Variants in DMD observed in about 807,000 individuals in gnomAD.
DMD encodes mutant dystrophin.
Under a neutral mutation model 330.1 loss-of-function variants are expected in DMD, and 63 were observed. The observed-to-expected ratio is 0.19, with a 90% confidence interval of 0.16 to 0.24. DMD has a LOEUF of 0.24. Ranked by LOEUF, DMD falls within the 10% of genes least tolerant of loss-of-function variation. The probability of loss-of-function intolerance (pLI) is 1.00; values close to 1 mark genes in which losing one functional copy is unlikely to be tolerated. For missense variants in DMD, 3,344 were observed against 2,684.1 expected (o/e 1.25, Z -5.43); for synonymous variants, 1,223 against 959.8 (o/e 1.27, Z -5.07).
intron 2 of DMD, among the ~76,000 whole-genome samples, chrX:33,001,720 A>T: frequency 1.2e-5 from 1 of 86,122 alleles, no homozygotes; most frequent in Admixed American, 1.2e-4. Context: ...CAAAGCATTC[A>T]AATAATTAAT....
chrX:32,443,464 T>C (rs1158612731), intron 27 of DMD, among the ~76,000 whole-genome samples: 1 of 111,389 alleles, frequency 9.0e-6, no homozygotes, highest in Non-Finnish European at 1.9e-5. Context: ...CTGTCTTCAT[T>C]CTGGGCAAAG....
At chrX:32,843,746 C>G (rs2080380234) in intron 4 of DMD, among the ~76,000 whole-genome samples, 1 of 111,618 alleles carries the variant, frequency 9.0e-6, no homozygotes, top group Non-Finnish European at 1.9e-5. Context: ...GTCGATTAGA[C>G]AGATTTTAGG....
chrX:32,455,690 A>T (rs2098354572), intron 25 of DMD, among the ~76,000 whole-genome samples: 1 of 111,352 alleles, frequency 9.0e-6, no homozygotes. Context: ...AAACAAACCC[A>T]AAGGTGCTTT....
chrX:32,123,240 T>TAA (rs1340568455), intron 44 of DMD, among the ~76,000 whole-genome samples: 1 of 83,836 alleles, frequency 1.2e-5, no homozygotes, highest in Non-Finnish European at 2.3e-5. Context: ...TATATATATA[T>TAA]ATAAATGATC....
At chrX:31,723,831 C>G (rs1232561723) in intron 52 of DMD, among the ~76,000 whole-genome samples, 1 of 111,577 alleles carries the variant, frequency 9.0e-6, no homozygotes, top group Non-Finnish European at 1.9e-5. Flanking sequence ...AAGCATTCCA[C>G]TAAGCCCTCA....
intron 60 of DMD, among the ~76,000 whole-genome samples, chrX:31,434,471 CACAT>C (rs1481782041): frequency 7.5e-5 from 7 of 93,214 alleles, no homozygotes; most frequent in African/African-American, 1.2e-4. Context: ...CACACACACA[CACAT>C]TTAGGTCCTT....
At chrX:32,733,863 C>T (rs1490385750) in intron 7 of DMD, among the ~76,000 whole-genome samples, 3 of 102,293 alleles carry the variant, frequency 2.9e-5, no homozygotes, top group Non-Finnish European at 5.9e-5. Context: ...ACTAGAAAAG[C>T]AAGAGCAAAC....
At chrX:31,554,483 T>C (rs1282897993) in intron 55 of DMD, among the ~76,000 whole-genome samples, 1 of 111,983 alleles carries the variant, frequency 8.9e-6, no homozygotes, top group Admixed American at 9.5e-5. Context: ...AGTACTGGGT[T>C]TTTGTATTTC....
At chrX:31,740,362 C>T (rs1042630908) in intron 51 of DMD, among the ~76,000 whole-genome samples, 4 of 111,645 alleles carry the variant, frequency 3.6e-5, no homozygotes, top group South Asian at 3.7e-4. Flanking sequence ...GCATCAGATT[C>T]GCAGGCTTTT....
chrX:33,113,298 C>G, intron 1 of DMD, among the ~76,000 whole-genome samples: 1 of 110,660 alleles, frequency 9.0e-6, no homozygotes, highest in Middle Eastern at 4.6e-3. Flanking sequence ...CTCAGGTGAT[C>G]CGCACGCCTC....
At chrX:33,091,144 G>T (rs2148309882) in intron 1 of DMD, among the ~76,000 whole-genome samples, 1 of 111,275 alleles carries the variant, frequency 9.0e-6, no homozygotes, top group East Asian at 2.8e-4. Flanking sequence ...GCACATAAAT[G>T]TATATACTCA....
At chrX:32,393,209 G>C (rs146272960) in intron 30 of DMD, among the ~76,000 whole-genome samples, 1 of 110,906 alleles carries the variant, frequency 9.0e-6, no homozygotes, top group East Asian at 2.8e-4. Context: ...CTTCAATTTT[G>C]TTACTTCTAA....
At chrX:32,439,536 T>A (rs1445001132) in intron 28 of DMD, among the ~76,000 whole-genome samples, 1 of 111,622 alleles carries the variant, frequency 9.0e-6, no homozygotes, top group East Asian at 2.8e-4. Flanking sequence ...ATTTTATAAG[T>A]CTTAACAAAG....
At chrX:33,010,208 G>C (rs868617714) in intron 2 of DMD, among the ~76,000 whole-genome samples, 3 of 93,428 alleles carry the variant, frequency 3.2e-5, no homozygotes, top group Non-Finnish European at 6.0e-5. Flanking sequence ...GCATATGTGT[G>C]TGTATATGTA....
chrX:31,944,727 C>G (rs1204433960), intron 45 of DMD, among the ~76,000 whole-genome samples: 2 of 99,027 alleles, frequency 2.0e-5, no homozygotes, highest in Non-Finnish European at 4.0e-5. Context: ...CCAGGATGGT[C>G]TCGATCTCTT....
intron 12 of DMD, among the ~76,000 whole-genome samples, chrX:32,604,886 A>G (rs2056554703): frequency 9.1e-6 from 1 of 110,174 alleles, no homozygotes; most frequent in Non-Finnish European, 1.9e-5. Flanking sequence ...CAAAACACCC[A>G]TGAAATAAAT....
chrX:33,197,631 T>C (rs150821494), intron 1 of DMD, among the ~76,000 whole-genome samples: 1,639 of 112,022 alleles, frequency 0.015, 30 homozygotes, highest in African/African-American at 0.05. Flanking sequence ...TTAATATCAA[T>C]ATCTGTTCTT....
At chrX:31,138,668 A>AGG (rs2035611399) in intron 76 of DMD, among the ~76,000 whole-genome samples, 3 of 58,229 alleles carry the variant, frequency 5.2e-5, no homozygotes, top group South Asian at 9.2e-4. Flanking sequence ...AGAGAGAGAG[A>AGG]GAGAGAGAGA....
intron 33 of DMD, among the ~76,000 whole-genome samples, chrX:32,381,273 G>A (rs1274230211): frequency 1.8e-5 from 2 of 111,176 alleles, no homozygotes; most frequent in African/African-American, 6.5e-5. Flanking sequence ...ATCCAATAGG[G>A]ACAAAAAGAT....
Sources: allele counts gnomAD v4.1 joint callset (sites outside exome capture counted in the v4.1 genomes callset), GRCh38; gene constraint gnomAD v4.1.1; transcripts MANE v1.5; gene names NCBI Gene and HGNC (gene_info 2026-07-23, HGNC 2026-07-21).